RFX4: variants seen among roughly 807,000 people sequenced by gnomAD.
The protein encoded by RFX4 is transcription factor RFX4.
In RFX4, 10 loss-of-function variants were observed where a neutral mutation model predicts 95.0. That is an observed-to-expected ratio of 0.11 (90% CI 0.06 to 0.18). The LOEUF (loss-of-function observed/expected upper bound fraction) is 0.18, where lower values mean the gene tolerates loss of function less well. RFX4 is among the 10% of genes least tolerant of loss of function. The pLI, the probability that RFX4 is intolerant of heterozygous loss-of-function variation, is 1.00. For synonymous variants in RFX4, 321 were observed against 340.7 expected (o/e 0.94, Z 0.64); for missense variants, 640 against 922.0 (o/e 0.69, Z 3.96).
intron 13 of RFX4, among the ~76,000 whole-genome samples, chr12:106,721,690 C>T (rs938939716): frequency 6.6e-5 from 10 of 152,266 alleles, no homozygotes; most frequent in Non-Finnish European, 1.0e-4. Flanking sequence ...TAGGCATTTT[C>T]GGCAAAGGGG....
chr12:106,740,308 T>C (rs1023375936), intron 15 of RFX4, among the ~76,000 whole-genome samples: 1 of 152,198 alleles, frequency 6.6e-6, no homozygotes, highest in Non-Finnish European at 1.5e-5. Flanking sequence ...CTAGTTATTC[T>C]GAGGGCAGCT....
chr12:106,725,989 G>T (rs2042487986), intron 13 of RFX4, among the ~76,000 whole-genome samples: 1 of 152,168 alleles, frequency 6.6e-6, no homozygotes. Flanking sequence ...GCTCACACCT[G>T]TAGTCCCAGC....
intron 3 of RFX4, among the ~76,000 whole-genome samples, chr12:106,644,230 C>CTTTT (rs756140160): frequency 3.9e-5 from 5 of 128,408 alleles, no homozygotes; most frequent in Non-Finnish European, 8.3e-5. Context: ...GCCATTTCCC[C>CTTTT]TTTTTTTTTT....
chr12:106,621,277 C>T (rs1244993567), intron 2 of RFX4, among the ~76,000 whole-genome samples: 1 of 152,232 alleles, frequency 6.6e-6, no homozygotes, highest in Non-Finnish European at 1.5e-5. Flanking sequence ...ACAGCTCCAG[C>T]CGGTTCCTCT....
intron 3 of RFX4, among the ~76,000 whole-genome samples, chr12:106,647,485 C>T (rs2040770607): frequency 2.0e-5 from 3 of 152,082 alleles, no homozygotes; most frequent in Non-Finnish European, 4.4e-5. Context: ...ATTAACCATG[C>T]TTTTCCTTTA....
At chr12:106,732,081 T>C (rs1485604425) in intron 13 of RFX4, 49 bp from the exon 14 acceptor site, 1 of 1,602,910 alleles carries the variant, frequency 6.2e-7, no homozygotes, top group East Asian at 2.2e-5. Context: ...AGAGGGGGCA[T>C]ACACGAGACA....
intron 15 of RFX4, among the ~76,000 whole-genome samples, chr12:106,736,960 CTCTT>C (rs1422714342): frequency 2.6e-5 from 4 of 151,986 alleles, no homozygotes; most frequent in Non-Finnish European, 2.9e-5. Context: ...TTAAAGAGCT[CTCTT>C]TCTCCTAATC....
chr12:106,601,935 A>AATGCC (rs1218066325), intron 1 of RFX4, among the ~76,000 whole-genome samples: 2 of 152,162 alleles, frequency 1.3e-5, no homozygotes, highest in African/African-American at 4.8e-5. Context: ...GACCAGCTGA[A>AATGCC]ATGCCACCCC....
At chr12:106,614,054 TG>T (rs2040017599) in intron 2 of RFX4, among the ~76,000 whole-genome samples, 1 of 152,228 alleles carries the variant, frequency 6.6e-6, no homozygotes, top group African/African-American at 2.4e-5. Flanking sequence ...GCTATTTTCA[TG>T]GGTGAATAGC....
chr12:106,645,947 C>G, intron 3 of RFX4: 1 of 1,289,044 alleles, frequency 7.8e-7, no homozygotes, highest in Non-Finnish European at 1.0e-6. Context: ...GTCAGTTAAG[C>G]TGGACAACCC....
At chr12:106,611,515 CTT>C (rs60164967) in intron 2 of RFX4, among the ~76,000 whole-genome samples, 1 of 140,426 alleles carries the variant, frequency 7.1e-6, no homozygotes. Flanking sequence ...CAGCTTTATT[CTT>C]TTTTTTTTTT....
At chr12:106,688,677 A>G (rs1922435) in intron 6 of RFX4, among the ~76,000 whole-genome samples, 55,525 of 152,026 alleles carry the variant, frequency 0.37, 10,216 homozygotes, top group South Asian at 0.4. Flanking sequence ...AAACATACAA[A>G]TGAACTTCCT....
intron 17 of RFX4, among the ~76,000 whole-genome samples, chr12:106,758,753 G>A (rs923620466): frequency 1.3e-5 from 2 of 152,338 alleles, no homozygotes; most frequent in South Asian, 4.1e-4. Flanking sequence ...TAACTTGGCA[G>A]TGGCAGGTCA....
rs150636341 is a variant in RFX4 at position 106,598,187 on chromosome 12, G to A, written c.44-10610G>A. Among the ~76,000 whole-genome samples, 876 of 152,126 alleles carry A rather than the reference G, an allele frequency of 5.8e-3. 8 individuals carry two copies. Among genetic ancestry groups the A allele is most frequent in the African/African-American group, 0.02 (838 of 41,506 alleles). ...TGGTAATTAGTCACTAATCCCACCT[G>A]GTAACTTTTCCTTCTTCTAAGTGAC... On this transcript the variant is annotated intron_variant, in intron 1 of 17. Coordinates refer to ENST00000392842, the MANE Select transcript of RFX4 (RefSeq NM_213594.3).
chr12:106,674,947 G>A (rs2041362343), intron 4 of RFX4, among the ~76,000 whole-genome samples: 1 of 152,188 alleles, frequency 6.6e-6, no homozygotes, highest in Non-Finnish European at 1.5e-5. Context: ...TCCAGTTTGT[G>A]TGGAGTCTTA....
In RFX4 at chr12:106,586,978, T is replaced by C. The variant is rs773518060; in HGVS notation, c.43+3615T>C. Among the ~76,000 whole-genome samples, 15 of 152,142 alleles carry C rather than the reference T, an allele frequency of 9.9e-5. No individual in the cohort carries two copies. The highest frequency in any genetic ancestry group is 2.1e-4 in the Non-Finnish European group (14 of 68,018). On this transcript the variant is annotated intron_variant, in intron 1 of 17. Coordinates refer to ENST00000392842, the MANE Select transcript of RFX4 (RefSeq NM_213594.3). The surrounding 1 kb of genome is among the most constrained non-coding windows in gnomAD (Gnocchi z 5.6). Reference sequence around the variant, plus strand: ...GTCTCGCCCTCCCCGGGCGTGTGTGTGTGCGCGCGCGCGGGCGAACGGGGC... The same window carrying C: ...GTCTCGCCCTCCCCGGGCGTGTGTGCGTGCGCGCGCGCGGGCGAACGGGGC...
At chr12:106,685,213 T>C (rs139013662) in intron 5 of RFX4, among the ~76,000 whole-genome samples, 404 of 150,790 alleles carry the variant, frequency 2.7e-3, no homozygotes, top group Non-Finnish European at 4.3e-3. Context: ...TGGTTTTTTT[T>C]CTTCTTCTTC....
Position 106,594,260 on chromosome 12 carries a change from CAGTTA to C in RFX4, c.43+10899_43+10903del, listed in dbSNP as rs1287809278. ...AAAATTCCAGAGGGCTTGAGGCCCT[CAGTTA>C]AAACATTAAAACTTTTAAGCTTTGG... On this transcript the variant is annotated intron_variant, in intron 1 of 17. Transcript: ENST00000392842. Among the ~76,000 whole-genome samples the C allele has an allele frequency of 3.3e-5, 5 of 152,196 alleles. No homozygotes were observed. In the South Asian group the frequency reaches 8.3e-4, roughly 25 times the overall value.
intron 1 of RFX4, among the ~76,000 whole-genome samples, chr12:106,596,235 T>C (rs555244375): frequency 4.1e-4 from 62 of 152,290 alleles, no homozygotes; most frequent in African/African-American, 1.4e-3. Flanking sequence ...GTGCTGTTCT[T>C]GCGATAGTCA....
Sources: gnomAD v4.1 joint callset for allele counts (sites outside exome capture counted in the v4.1 genomes callset) on GRCh38, gnomAD v4.1.1 for gene constraint, Gnocchi (gnomAD v3.1) non-coding constraint, MANE v1.5 for transcripts, NCBI Gene and HGNC (gene_info 2026-07-23, HGNC 2026-07-21) for gene names.